The following ADD3 variants were observed in gnomAD, a reference collection of about 807,000 sequenced individuals.
The protein encoded by ADD3 is adducin 3.
Under a neutral mutation model 80.2 loss-of-function variants are expected in ADD3, and 25 were observed. The ratio of observed to expected loss-of-function variants is 0.31; its 90% CI spans 0.23 to 0.44. ADD3 has a LOEUF of 0.44. Among genes scored for constraint, ADD3 ranks in the 20% least tolerant of loss-of-function variants. ADD3 has a pLI of 1.00. For missense variants in ADD3, 829 were observed against 847.5 expected, an observed-to-expected ratio of 0.98 and a Z score of 0.27; for synonymous variants, 284 against 289.6, an observed-to-expected ratio of 0.98 and a Z score of 0.20.
At chr10:110,076,569 GGAGA>G (rs1394058203) in intron 1 of ADD3, among the ~76,000 whole-genome samples, 2 of 152,170 alleles carry the variant, frequency 1.3e-5, no homozygotes, top group Admixed American at 6.5e-5. Context: ...GCACTGGTGA[GGAGA>G]GAAAGAGGTA....
intron 1 of ADD3, among the ~76,000 whole-genome samples, chr10:110,038,917 CTATAA>C (rs1855973628): frequency 6.6e-6 from 1 of 152,024 alleles, no homozygotes; most frequent in South Asian, 2.1e-4. Context: ...AAATTATGGG[CTATAA>C]TATGTGTAAT....
At chr10:110,121,687 A>G (rs1006546681) in intron 8 of ADD3, among the ~76,000 whole-genome samples, 3 of 152,242 alleles carry the variant, frequency 2.0e-5, no homozygotes, top group Admixed American at 6.5e-5. Context: ...GCTTAATTAA[A>G]TTAAGATAAT....
At chr10:110,001,157 G>A (rs887623757), upstream of ADD3, among the ~76,000 whole-genome samples, 7 of 152,120 alleles carry the variant, frequency 4.6e-5, no homozygotes, top group African/African-American at 7.2e-5. Flanking sequence ...GCTCACACCT[G>A]TAGTCCCAGC....
At chr10:110,078,899 A>G (rs1304889440) in intron 1 of ADD3, among the ~76,000 whole-genome samples, 2 of 152,236 alleles carry the variant, frequency 1.3e-5, no homozygotes. Flanking sequence ...TTGAAATTAG[A>G]AGATTTTTAA....
chr10:110,126,148 T>C (rs73352933), intron 11 of ADD3, among the ~76,000 whole-genome samples: 20,049 of 152,168 alleles, frequency 0.13, 4,258 homozygotes, highest in African/African-American at 0.45. Context: ...GGAAGATGTA[T>C]TGAACATTTT....
intron 8 of ADD3, among the ~76,000 whole-genome samples, chr10:110,120,321 G>A (rs1011573712): frequency 6.3e-5 from 9 of 142,766 alleles, no homozygotes; most frequent in East Asian, 2.1e-4. Flanking sequence ...GAGAATATGC[G>A]GTGTTTGGTT....
At chr10:110,050,070 GGGACC>G (rs1857336244) in intron 1 of ADD3, among the ~76,000 whole-genome samples, 1 of 152,130 alleles carries the variant, frequency 6.6e-6, no homozygotes, top group African/African-American at 2.4e-5. Flanking sequence ...ATAGGCGGAA[GGGACC>G]GGTCTTGTCT....
intron 1 of ADD3, among the ~76,000 whole-genome samples, chr10:110,046,416 G>A (rs913480254): frequency 2.1e-5 from 3 of 140,414 alleles, no homozygotes; most frequent in African/African-American, 6.1e-5. Context: ...AAAGTTATAC[G>A]TGGATTTTTT....
intron 9 of ADD3, among the ~76,000 whole-genome samples, chr10:110,123,152 A>G (rs1224106787): frequency 1.3e-5 from 2 of 152,324 alleles, no homozygotes; most frequent in African/African-American, 2.4e-5. Context: ...TATCTTGGCT[A>G]TTGTGAATAA....
chr10:110,108,306 C>G (rs1849616676), intron 2 of ADD3, among the ~76,000 whole-genome samples: 1 of 152,168 alleles, frequency 6.6e-6, no homozygotes, highest in African/African-American at 2.4e-5. Flanking sequence ...CTCAACATTT[C>G]AGATCACAAC....
chr10:110,052,173 C>T (rs1857588866), intron 1 of ADD3, among the ~76,000 whole-genome samples: 1 of 152,072 alleles, frequency 6.6e-6, no homozygotes, highest in Non-Finnish European at 1.5e-5. Flanking sequence ...AAAAATGTAC[C>T]AATAATTTTC....
chr10:110,059,991 A>G (rs1312385279), intron 1 of ADD3, among the ~76,000 whole-genome samples: 1 of 152,040 alleles, frequency 6.6e-6, no homozygotes, highest in Non-Finnish European at 1.5e-5. Context: ...CGTCAAGGCT[A>G]CTTGAATGGG....
intron 1 of ADD3, among the ~76,000 whole-genome samples, chr10:110,086,043 TGC>T (rs1846691583): frequency 6.6e-6 from 1 of 152,024 alleles, no homozygotes. Context: ...AGGCGGAAGT[TGC>T]AGTAAGCCGA....
chr10:110,069,516 C>G (rs1844406874), intron 1 of ADD3, among the ~76,000 whole-genome samples: 1 of 152,110 alleles, frequency 6.6e-6, no homozygotes, highest in Non-Finnish European at 1.5e-5. Flanking sequence ...AACTTAAGTG[C>G]CTTACAAAAC....
intron 1 of ADD3, among the ~76,000 whole-genome samples, chr10:109,999,486 T>C (rs1312771772): frequency 1.3e-5 from 2 of 152,252 alleles, no homozygotes; most frequent in African/African-American, 4.8e-5. Flanking sequence ...CTATCTTCCC[T>C]GACTCCTTTT....
At chr10:110,055,831 A>C (rs1858120505) in intron 1 of ADD3, among the ~76,000 whole-genome samples, 1 of 152,264 alleles carries the variant, frequency 6.6e-6, no homozygotes, top group African/African-American at 2.4e-5. Context: ...TGAAGACACT[A>C]TGCTGATAGA....
chr10:110,034,125 A>G (rs1324741044), intron 1 of ADD3, among the ~76,000 whole-genome samples: 1 of 152,190 alleles, frequency 6.6e-6, no homozygotes, highest in East Asian at 1.9e-4. Context: ...ACTCTTAGGG[A>G]AAACACTGCC....
rs1206042633 is a variant in ADD3, at chr10:110,038,881, T to G, written c.-30+30582T>G. Among the ~76,000 whole-genome samples, 4 of 152,222 alleles carry G rather than the reference T, an allele frequency of 2.6e-5. No homozygotes were observed. In the East Asian group the frequency reaches 7.7e-4, roughly 29 times the overall value. On this transcript the variant is annotated intron_variant, in intron 1 of 14. Coordinates refer to ENST00000356080, the MANE Select transcript of ADD3 (RefSeq NM_016824.5). Reference sequence around the variant, plus strand: ...ATAACACAGCCATTAACAATGATGTTTATTTGCTTAGAAAGATGTTACAGT... The same window carrying G: ...ATAACACAGCCATTAACAATGATGTGTATTTGCTTAGAAAGATGTTACAGT...
chr10:110,104,178 G>A (rs1849160927), intron 2 of ADD3, among the ~76,000 whole-genome samples: 1 of 152,264 alleles, frequency 6.6e-6, no homozygotes, highest in Non-Finnish European at 1.5e-5. Flanking sequence ...CTTCAAAAAG[G>A]AGAAAATTGA....
Sources: allele counts gnomAD v4.1 joint callset (sites outside exome capture counted in the v4.1 genomes callset), GRCh38; gene constraint gnomAD v4.1.1; transcripts MANE v1.5; gene names NCBI Gene and HGNC (gene_info 2026-07-23, HGNC 2026-07-21).